TRAPPC3L: variants seen among roughly 807,000 people sequenced by gnomAD.
TRAPPC3L encodes trafficking protein particle complex subunit 3L, also known as trafficking protein particle complex subunit 3-like protein.
A neutral mutation model predicts 23.7 loss-of-function variants in TRAPPC3L; 23 were observed. That is an observed-to-expected ratio of 0.97 (90% CI 0.70 to 1.37). TRAPPC3L has a LOEUF of 1.37. TRAPPC3L is among the 40% of genes most tolerant of loss of function. The pLI is 0.00. For synonymous variants in TRAPPC3L, 81 were observed against 77.9 expected, an observed-to-expected ratio of 1.04 and a Z score of -0.21; for missense variants, 212 against 216.8, an observed-to-expected ratio of 0.98 and a Z score of 0.14.
At chr6:116,538,387 G>T (rs1213708885) in intron 3 of TRAPPC3L, among the ~76,000 whole-genome samples, 6 of 152,210 alleles carry the variant, frequency 3.9e-5, no homozygotes, top group African/African-American at 1.4e-4. Flanking sequence ...CAGCAATGAG[G>T]TTGTATATGC....
rs1323331346 is a variant in TRAPPC3L, at chr6:116,496,994, A to C, written c.506T>G (p.Leu169Arg). ...DSVTEIGITF[L>R]KKRDEKKYRG... Reference sequence around the variant, plus strand: ...ATATTTTTTCTCGTCTCGCTTTTTTAGAAATGTTATTCCTATTTCTGTCAC... The same window carrying C: ...ATATTTTTTCTCGTCTCGCTTTTTTCGAAATGTTATTCCTATTTCTGTCAC... The change falls in exon 5 of 5, where the codon CTA (leucine) becomes CGA (arginine). Residue 169 changes from leucine (L) to arginine (R), a missense_variant. By Grantham distance (102) the Leu-to-Arg change is moderately radical (BLOSUM62 -2). Coordinates refer to ENST00000368602, the MANE Select transcript of TRAPPC3L (RefSeq NM_001139444.3). 6.5e-7 allele frequency: 1 copy of C among 1,545,632 alleles called. No individual in the cohort carries two copies. Among genetic ancestry groups the C allele is most frequent in the Non-Finnish European group, 8.7e-7 (1 of 1,145,524 alleles).
At chr6:116,523,474 T>C (rs1464073402) in intron 3 of TRAPPC3L, 1 of 152,238 alleles carries the variant, frequency 6.6e-6, no homozygotes, top group Non-Finnish European at 1.5e-5. Context: ...CTACTAATTC[T>C]TTTATTGTTT....
intron 3 of TRAPPC3L, among the ~76,000 whole-genome samples, chr6:116,535,578 G>A (rs1437911247): frequency 6.6e-6 from 1 of 151,988 alleles, no homozygotes; most frequent in Admixed American, 6.6e-5. Flanking sequence ...AGGTTTTTTG[G>A]CTCTTTGACC....
At chr6:116,542,809 A>G (rs1160203146) in intron 2 of TRAPPC3L, among the ~76,000 whole-genome samples, 1 of 152,116 alleles carries the variant, frequency 6.6e-6, no homozygotes, top group Non-Finnish European at 1.5e-5. Context: ...TCTTAAAATA[A>G]ACTCTCCCTT....
chr6:116,497,097 C>G, intron 4 of TRAPPC3L, 24 bp from the exon 5 acceptor site: 1 of 1,513,040 alleles, frequency 6.6e-7, no homozygotes, highest in Non-Finnish European at 8.8e-7. Flanking sequence ...AAAAAACAGG[C>G]CTGTGTCATT....
At chr6:116,544,320 T>A (rs1773644027) in intron 1 of TRAPPC3L, among the ~76,000 whole-genome samples, 1 of 152,078 alleles carries the variant, frequency 6.6e-6, no homozygotes, top group East Asian at 1.9e-4. Context: ...AATAGTGGAA[T>A]TTCTTCTCTG....
At chr6:116,502,739 G>C (rs1771938648) in intron 3 of TRAPPC3L, among the ~76,000 whole-genome samples, 1 of 152,180 alleles carries the variant, frequency 6.6e-6, no homozygotes, top group Non-Finnish European at 1.5e-5. Flanking sequence ...CTAAAGAAAA[G>C]TATTTTCAAC....
At chr6:116,510,099 G>A (rs1381424344) in intron 3 of TRAPPC3L, among the ~76,000 whole-genome samples, 4 of 152,026 alleles carry the variant, frequency 2.6e-5, no homozygotes, top group Non-Finnish European at 4.4e-5. Flanking sequence ...TAATCATTAG[G>A]GAAATGTAAA....
chr6:116,510,693 TA>T (rs773155313), intron 3 of TRAPPC3L, among the ~76,000 whole-genome samples: 5 of 150,740 alleles, frequency 3.3e-5, no homozygotes, highest in South Asian at 2.1e-4. Flanking sequence ...CATTATATAT[TA>T]AAAAAAAACA....
chr6:116,503,091 G>T (rs1357682282), intron 3 of TRAPPC3L, among the ~76,000 whole-genome samples: 1 of 152,096 alleles, frequency 6.6e-6, no homozygotes, highest in Admixed American at 6.6e-5. Context: ...ATTGGATGAA[G>T]AGTCAAGACC....
chr6:116,517,649 T>C (rs1772253976), intron 3 of TRAPPC3L: 1 of 152,180 alleles, frequency 6.6e-6, no homozygotes, highest in South Asian at 2.1e-4. Context: ...TTTCTTCCTA[T>C]TCCTGGTGCA....
chr6:116,505,834 G>T (rs1467830305), intron 3 of TRAPPC3L, among the ~76,000 whole-genome samples: 1 of 152,168 alleles, frequency 6.6e-6, no homozygotes, highest in Non-Finnish European at 1.5e-5. Flanking sequence ...GCTGAAACTG[G>T]ATCCCTTCCT....
At chr6:116,533,411 A>C (rs1003506987) in intron 3 of TRAPPC3L, among the ~76,000 whole-genome samples, 2 of 152,250 alleles carry the variant, frequency 1.3e-5, no homozygotes, top group Non-Finnish European at 2.9e-5. Flanking sequence ...AGTGGCAAGA[A>C]GTTGACACCA....
At chr6:116,522,765 A>G (rs1772368861) in intron 3 of TRAPPC3L, 1 of 152,192 alleles carries the variant, frequency 6.6e-6, no homozygotes, top group African/African-American at 2.4e-5. Flanking sequence ...TTGTTCTTCT[A>G]GTCGTCTCTC....
chr6:116,496,838 T>A lies in TRAPPC3L; in HGVS notation c.*116A>T. 7.4e-7 allele frequency: 1 copy of A among 1,349,026 alleles called. No homozygotes were observed. Among genetic ancestry groups the A allele is most frequent in the South Asian group, 1.8e-5 (1 of 54,760 alleles). The allele number at this position is 1,349,026 out of a possible 1,614,324, so 83.6% of individuals were successfully genotyped here. A position where few individuals can be genotyped will look rare whatever the true frequency, so the allele number is the denominator to read the frequency against. The stretch of plus-strand genomic sequence containing the variant: ...ATGCCCTGCATTTCAAATTTCTGGC[T>A]GATTTATAAACCTTTCAAAGCTCAT... On this transcript the variant is annotated 3_prime_UTR_variant, in exon 5 of 5. Transcript: ENST00000368602.
intron 3 of TRAPPC3L, among the ~76,000 whole-genome samples, chr6:116,531,581 C>G (rs1333389176): frequency 1.3e-5 from 2 of 152,078 alleles, no homozygotes; most frequent in African/African-American, 4.8e-5. Flanking sequence ...CAGAATATCT[C>G]TACAATAAAC....
intron 1 of TRAPPC3L, 140 bp downstream of exon 1, chr6:116,545,333 T>C (rs1384585699): frequency 3.2e-5 from 19 of 594,580 alleles, no homozygotes; most frequent in Non-Finnish European, 5.5e-5. Context: ...CCTAGATGTG[T>C]CATTTATGAT....
intron 1 of TRAPPC3L, 112 bp downstream of exon 1, chr6:116,545,361 G>T: frequency 1.2e-6 from 1 of 820,018 alleles, no homozygotes; most frequent in Non-Finnish European, 1.9e-6. Flanking sequence ...GCTGAACACT[G>T]TCTTTCCTCC....
rs1355419594 is a variant in TRAPPC3L at position 116,545,474 on chromosome 6, A to G, written c.41T>C (p.Ile14Thr). 5 of 1,545,908 alleles carry G rather than the reference A, an allele frequency of 3.2e-6. No individual in the cohort carries two copies. Among genetic ancestry groups the G allele is most frequent in the East Asian group, 2.5e-5 (1 of 40,758 alleles). ...PAHRRPEYHK[I>T]NKDLFVLTYG... The stretch of plus-strand genomic sequence containing the variant: ...AATCTCTTTGTAGAAAGATCTTACT[A>G]TTTTATGGTATTCTGGTCTTCGGTG... The change falls in exon 1 of 5, where the codon ATA becomes ACA. Residue 14 changes from isoleucine (I) to threonine (T), a missense_variant and splice_region_variant. Transcript: ENST00000368602.
Sources: allele counts gnomAD v4.1 joint callset (sites outside exome capture counted in the v4.1 genomes callset), GRCh38; gene constraint gnomAD v4.1.1; transcripts MANE v1.5; gene names NCBI Gene and HGNC (gene_info 2026-07-23, HGNC 2026-07-21).